Variants in FAM204A observed in about 807,000 individuals in gnomAD.
The protein encoded by FAM204A is protein FAM204A.
A neutral mutation model predicts 35.4 loss-of-function variants in FAM204A; 16 were observed. The observed-to-expected ratio is 0.45, with a 90% CI of 0.31 to 0.69. The LOEUF (loss-of-function observed/expected upper bound fraction) is 0.69, where lower values mean the gene tolerates loss of function less well. Ranked by LOEUF, FAM204A falls within the 30% of genes least tolerant of loss-of-function variation. FAM204A has a pLI of 0.07. For synonymous variants in FAM204A, 76 were observed against 86.9 expected, an observed-to-expected ratio of 0.88 and a Z score of 0.70; for missense variants, 240 against 265.7, an observed-to-expected ratio of 0.90 and a Z score of 0.67.
chr10:118,326,147 G>T lies in FAM204A; in HGVS notation c.543+7C>A. 6.2e-7 allele frequency: 1 copy of T among 1,609,636 alleles called. No individual in the cohort carries two copies. The highest frequency in any genetic ancestry group is 1.1e-5 in the South Asian group (1 of 90,602). On this transcript the variant is annotated splice_region_variant and intron_variant, in intron 7 of 8. Coordinates refer to ENST00000369183, the MANE Select transcript of FAM204A (RefSeq NM_022063.3). ...AATACAGAAAATGTGTAACCCTTTTGACTCACCTCTCGAGTAGCTAGCTGG... is the reference window on the plus strand; with the variant it reads ...AATACAGAAAATGTGTAACCCTTTTTACTCACCTCTCGAGTAGCTAGCTGG...
chr10:118,326,327 A>C, intron 6 of FAM204A, 84 bp from the exon 7 acceptor site: 1 of 1,116,788 alleles, frequency 9.0e-7, no homozygotes, highest in Non-Finnish European at 1.3e-6. Flanking sequence ...AATTATACTG[A>C]ATGTGTTACA....
chr10:118,325,272 C>T (rs1310207200), intron 7 of FAM204A, among the ~76,000 whole-genome samples: 1 of 152,014 alleles, frequency 6.6e-6, no homozygotes, highest in Non-Finnish European at 1.5e-5. Flanking sequence ...ACAGTATTTC[C>T]ATAGAAGAAT....
Position 118,311,124 on chromosome 10 carries a change from T to C in FAM204A, c.650+83A>G, listed in dbSNP as rs555405117. 1.4e-4 allele frequency: 178 copies of C among 1,298,230 alleles called. No homozygotes were observed. In the African/African-American group the frequency reaches 2.3e-3, roughly 17 times the overall value. 80.4% of individuals were successfully genotyped at this position (1,298,230 alleles called of 1,614,324 possible). On this transcript the variant is annotated intron_variant, in intron 8 of 8. Transcript: ENST00000369183. Reference sequence around the variant, plus strand: ...AAAATGTAAAATGAGTTAACAGTTATACACGAACTAGATCACAAAATATAT... The same window carrying C: ...AAAATGTAAAATGAGTTAACAGTTACACACGAACTAGATCACAAAATATAT...
rs1845835217 is a variant in FAM204A at position 118,303,925 on chromosome 10, G to C, written c.*6932C>G. 6.6e-6 allele frequency: 1 copy of C among 152,208 alleles called. No individual in the cohort carries two copies. The highest frequency in any genetic ancestry group is 2.4e-5 in the African/African-American group (1 of 41,438). The allele number at this position is 152,208 out of a possible 1,614,324, so 9.4% of individuals were successfully genotyped here. On this transcript the variant is annotated 3_prime_UTR_variant, in exon 9 of 9. Coordinates refer to ENST00000369183, the MANE Select transcript of FAM204A (RefSeq NM_022063.3). The stretch of plus-strand genomic sequence containing the variant: ...CTTTCAGGCATTCCCCTTCCTCATG[G>C]GCTTTGCTCCCTCCCTTACAAATGT...
At chr10:118,321,895 C>T (rs1296207024) in intron 7 of FAM204A, among the ~76,000 whole-genome samples, 1 of 152,032 alleles carries the variant, frequency 6.6e-6, no homozygotes. Context: ...TCATATGCAA[C>T]CGCTGGTGGG....
chr10:118,310,466 C>T lies in FAM204A; in HGVS notation c.*391G>A, dbSNP rs1845932580. ...TGCTACTGCACTCTAGCCTGGGTGACAGAGCAAGCGAGGCTCTGTCTCAAA... is the reference window on the plus strand; with the variant it reads ...TGCTACTGCACTCTAGCCTGGGTGATAGAGCAAGCGAGGCTCTGTCTCAAA... On this transcript the variant is annotated 3_prime_UTR_variant, in exon 9 of 9. Coordinates refer to ENST00000369183, the MANE Select transcript of FAM204A (RefSeq NM_022063.3). 6.0e-6 allele frequency: 1 copy of T among 167,934 alleles called. No individual in the cohort carries two copies. Among genetic ancestry groups the T allele is most frequent in the African/African-American group, 2.6e-5 (1 of 38,776 alleles). 10.4% of individuals were successfully genotyped at this position (167,934 alleles called of 1,614,324 possible). A position where few individuals can be genotyped will look rare whatever the true frequency, so the allele number is the denominator to read the frequency against.
chr10:118,340,827 C>T (rs1846465888), intron 2 of FAM204A, among the ~76,000 whole-genome samples: 1 of 143,244 alleles, frequency 7.0e-6, no homozygotes, highest in Non-Finnish European at 1.5e-5. Flanking sequence ...CCCTCCCCTA[C>T]CCGCCCCGCC....
intron 4 of FAM204A, 29 bp downstream of exon 4, chr10:118,335,524 CG>C (rs970114841): frequency 6.6e-5 from 106 of 1,597,004 alleles, no homozygotes; most frequent in Non-Finnish European, 8.7e-5. Flanking sequence ...AGCATTAGCA[CG>C]ACGAACAACC....
intron 7 of FAM204A, among the ~76,000 whole-genome samples, chr10:118,312,639 T>C (rs911207352): frequency 2.6e-5 from 4 of 152,144 alleles, no homozygotes; most frequent in Admixed American, 2.0e-4. Flanking sequence ...AAGCTGACAA[T>C]TGAACTACGG....
intron 2 of FAM204A, among the ~76,000 whole-genome samples, 193 bp from the exon 3 acceptor site, chr10:118,336,616 T>TA (rs1174933074): frequency 1.3e-5 from 2 of 150,486 alleles, no homozygotes; most frequent in African/African-American, 2.4e-5. Context: ...CTTGTGTAAG[T>TA]AAAAAAAAAG....
At chr10:118,334,499 A>G (rs946892995) in intron 6 of FAM204A, among the ~76,000 whole-genome samples, 1 of 152,128 alleles carries the variant, frequency 6.6e-6, no homozygotes, top group African/African-American at 2.4e-5. Context: ...TTCTGTTCTC[A>G]TCTATTTTTG....
In FAM204A at chr10:118,307,765, A is replaced by G. The variant is rs1216364165; in HGVS notation, c.*3092T>C. 6.6e-6 allele frequency: 1 copy of G among 152,220 alleles called. No individual in the cohort carries two copies. The highest frequency in any genetic ancestry group is 1.5e-5 in the Non-Finnish European group (1 of 68,030). 9.4% of individuals were successfully genotyped at this position (152,220 alleles called of 1,614,324 possible). A position where few individuals can be genotyped will look rare whatever the true frequency, so the allele number is the denominator to read the frequency against. ...GCTAAAAGATAATATTTTAGACAAAAGGTATAAAGAAAATCAGAAGATTTT... is the reference window on the plus strand; with the variant it reads ...GCTAAAAGATAATATTTTAGACAAAGGGTATAAAGAAAATCAGAAGATTTT... On this transcript the variant is annotated 3_prime_UTR_variant, in exon 9 of 9. Coordinates refer to ENST00000369183, the MANE Select transcript of FAM204A (RefSeq NM_022063.3).
Position 118,301,680 on chromosome 10 carries a change from T to C in FAM204A, c.*9177A>G, listed in dbSNP as rs956063224. ...AGAGAATTGTCTCCCAACAAGTATA[T>C]TGTTTGCTATATGTGAGAATCTATT... On this transcript the variant is annotated 3_prime_UTR_variant, in exon 9 of 9. Coordinates refer to ENST00000369183, the MANE Select transcript of FAM204A (RefSeq NM_022063.3). The C allele has an allele frequency of 2.0e-5, 3 of 152,208 alleles. No homozygotes were observed. The highest frequency in any genetic ancestry group is 4.4e-5 in the Non-Finnish European group (3 of 68,044). The allele number at this position is 152,208 out of a possible 1,614,324, so 9.4% of individuals were successfully genotyped here.
At chr10:118,331,485 T>C (rs1564762178) in intron 6 of FAM204A, among the ~76,000 whole-genome samples, 1 of 152,218 alleles carries the variant, frequency 6.6e-6, no homozygotes, top group Non-Finnish European at 1.5e-5. Context: ...TTAATATAGA[T>C]GTCAAGAAGA....
At chr10:118,329,809 G>T (rs1846262051) in intron 6 of FAM204A, among the ~76,000 whole-genome samples, 1 of 152,066 alleles carries the variant, frequency 6.6e-6, no homozygotes, top group African/African-American at 2.4e-5. Context: ...TATTCACACT[G>T]CCGTCATCCA....
intron 7 of FAM204A, chr10:118,322,451 C>A (rs547957988): frequency 2.2e-6 from 1 of 450,068 alleles, no homozygotes; most frequent in Non-Finnish European, 4.5e-6. Context: ...CATGAGGAAA[C>A]AGCAGACAAA....
chr10:118,322,927 G>A (rs1846140629), intron 7 of FAM204A, among the ~76,000 whole-genome samples: 1 of 152,082 alleles, frequency 6.6e-6, no homozygotes, highest in Non-Finnish European at 1.5e-5. Context: ...TGTTTCAGAT[G>A]GGGGTACTAA....
intron 4 of FAM204A, 58 bp from the exon 5 acceptor site, chr10:118,335,484 T>TA (rs1008390222): frequency 2.5e-6 from 4 of 1,595,744 alleles, no homozygotes; most frequent in South Asian, 1.2e-5. Flanking sequence ...AACCATATTT[T>TA]AAAAAAATGG....
rs1205581934 is a variant in FAM204A, at chr10:118,299,877, C to T, written c.*10980G>A. The T allele has an allele frequency of 1.3e-5, 2 of 152,308 alleles. No individual in the cohort carries two copies. The highest frequency in any genetic ancestry group is 1.9e-4 in the East Asian group (1 of 5,186). 9.4% of individuals were successfully genotyped at this position (152,308 alleles called of 1,614,324 possible). A position where few individuals can be genotyped will look rare whatever the true frequency, so the allele number is the denominator to read the frequency against. Reference sequence around the variant, plus strand: ...TTTACTAACAATTTTTCCATTAGCACGTCTTGAAAACCACAATTCTGCTAT... The same window carrying T: ...TTTACTAACAATTTTTCCATTAGCATGTCTTGAAAACCACAATTCTGCTAT... On this transcript the variant is annotated 3_prime_UTR_variant, in exon 9 of 9. Transcript: ENST00000369183.
Sources: gnomAD v4.1 joint callset for allele counts (sites outside exome capture counted in the v4.1 genomes callset) on GRCh38, gnomAD v4.1.1 for gene constraint, MANE v1.5 for transcripts, NCBI Gene and HGNC (gene_info 2026-07-23, HGNC 2026-07-21) for gene names.